IP6K2: variants seen among roughly 807,000 people sequenced by gnomAD.
The protein encoded by IP6K2 is ATP:1D-myo-inositol-hexakisphosphate phosphotransferase.
A neutral mutation model predicts 43.3 loss-of-function variants in IP6K2; 9 were observed. That is an observed-to-expected ratio of 0.21 (90% CI 0.13 to 0.36). The LOEUF (loss-of-function observed/expected upper bound fraction) is 0.36, where lower values mean the gene tolerates loss of function less well. Among genes scored for constraint, IP6K2 ranks in the 10% least tolerant of loss-of-function variants. IP6K2 has a pLI of 1.00. For missense variants in IP6K2, 332 were observed against 538.4 expected, an observed-to-expected ratio of 0.62 and a Z score of 3.79; for synonymous variants, 209 against 202.4, an observed-to-expected ratio of 1.03 and a Z score of -0.28.
chr3:48,705,945 C>T (rs1348838180), intron 1 of IP6K2, among the ~76,000 whole-genome samples: 1 of 150,736 alleles, frequency 6.6e-6, no homozygotes, highest in African/African-American at 2.4e-5. Flanking sequence ...GTGGCTCACG[C>T]CTGTAATCCC....
intron 1 of IP6K2, among the ~76,000 whole-genome samples, chr3:48,706,526 TACAG>T (rs1473146486): frequency 6.6e-6 from 1 of 152,280 alleles, no homozygotes; most frequent in Admixed American, 6.5e-5. Flanking sequence ...CTGTTCTCTC[TACAG>T]ACAGTTGTAA....
chr3:48,710,880 A>C (rs1163677076), intron 1 of IP6K2, among the ~76,000 whole-genome samples: 1 of 152,062 alleles, frequency 6.6e-6, no homozygotes, highest in African/African-American at 2.4e-5. Flanking sequence ...AAGTGCTGGG[A>C]TTACAGGCGT....
chr3:48,696,278 T>C (rs2078337134), intron 1 of IP6K2, among the ~76,000 whole-genome samples: 1 of 152,164 alleles, frequency 6.6e-6, no homozygotes, highest in African/African-American at 2.4e-5. Context: ...CCAGGTTGTC[T>C]ACCCACACTG....
intron 2 of IP6K2, chr3:48,693,924 T>G: frequency 7.5e-7 from 1 of 1,327,424 alleles, no homozygotes; most frequent in Non-Finnish European, 9.6e-7. Context: ...CATGAGTAAT[T>G]AAGACAGTCT....
At chr3:48,711,168 C>T (rs2080471200) in intron 1 of IP6K2, among the ~76,000 whole-genome samples, 1 of 152,160 alleles carries the variant, frequency 6.6e-6, no homozygotes, top group South Asian at 2.1e-4. Context: ...ACCTCAGCCT[C>T]CTGAAGTGCC....
At chr3:48,712,078 C>T (rs969132418) in intron 1 of IP6K2, among the ~76,000 whole-genome samples, 4 of 152,038 alleles carry the variant, frequency 2.6e-5, no homozygotes, top group African/African-American at 9.7e-5. Context: ...AATGTGGCTG[C>T]AGCCTCAGCA....
intron 1 of IP6K2, among the ~76,000 whole-genome samples, chr3:48,702,431 G>A (rs1404670486): frequency 2.7e-5 from 4 of 147,890 alleles, no homozygotes; most frequent in Non-Finnish European, 5.9e-5. Context: ...TCAGCCCTTT[G>A]TGCAAATGTC....
intron 2 of IP6K2, 137 bp from the exon 3 acceptor site, chr3:48,693,316 AAACTT>A: frequency 9.1e-7 from 1 of 1,100,296 alleles, no homozygotes; most frequent in Non-Finnish European, 1.4e-6. Flanking sequence ...ACTCATCTGC[AAACTT>A]AACAAATATC....
At chr3:48,702,782 C>G (rs994227694) in intron 1 of IP6K2, among the ~76,000 whole-genome samples, 1 of 152,156 alleles carries the variant, frequency 6.6e-6, no homozygotes, top group African/African-American at 2.4e-5. Flanking sequence ...CACTTGAAAA[C>G]AAGTTCCATA....
At chr3:48,716,215 T>A (rs1165044153) in intron 1 of IP6K2, among the ~76,000 whole-genome samples, 1 of 152,228 alleles carries the variant, frequency 6.6e-6, no homozygotes, top group African/African-American at 2.4e-5. Context: ...GTAATCATGG[T>A]CCTCTATTAA....
chr3:48,709,766 G>A (rs2107032175), intron 1 of IP6K2, among the ~76,000 whole-genome samples: 1 of 151,936 alleles, frequency 6.6e-6, no homozygotes, highest in African/African-American at 2.4e-5. Context: ...GAACCTAGGA[G>A]GCGGAGCTTG....
In IP6K2 at chr3:48,688,307, A is replaced by G. The variant is rs2077503919; in HGVS notation, c.1247T>C (p.Ile416Thr). ...ACTCTCCTCACTTATCTCTGTGACA[A>G]TGTCTATCAGGCTCTGGAGCCCGAA... ...YIFGLQSLID[I>T]VTEISEESGE The change falls in exon 6 of 6, where the codon ATT becomes ACT. Residue 416 changes from isoleucine (I) to threonine (T), a missense_variant. Coordinates refer to ENST00000328631, the MANE Select transcript of IP6K2 (RefSeq NM_016291.4). The surrounding 1 kb of genome is among the most constrained non-coding windows in gnomAD (Gnocchi z 5.1). 6.2e-7 allele frequency: 1 copy of G among 1,614,178 alleles called. No individual in the cohort carries two copies. Among genetic ancestry groups the G allele is most frequent in the Non-Finnish European group, 8.5e-7 (1 of 1,180,014 alleles).
intron 4 of IP6K2, 24 bp downstream of exon 4, chr3:48,691,283 G>T: frequency 1.3e-6 from 2 of 1,588,784 alleles, no homozygotes; most frequent in Non-Finnish European, 1.7e-6. Flanking sequence ...CTCAAATGCA[G>T]AGATGCCCGT....
chr3:48,689,737 C>G (rs771752476), intron 4 of IP6K2, 24 bp from the exon 5 acceptor site: 4 of 1,607,022 alleles, frequency 2.5e-6, no homozygotes, highest in South Asian at 1.1e-5. Context: ...AATAATACCC[C>G]CAAAAGGAAG....
chr3:48,692,841 A>C, intron 3 of IP6K2, 113 bp downstream of exon 3: 1 of 738,052 alleles, frequency 1.4e-6, no homozygotes, highest in Non-Finnish European at 2.4e-6. Context: ...ACTGAATGAC[A>C]AGGTACCTAC....
chr3:48,708,869 T>C (rs2080144001), intron 1 of IP6K2, among the ~76,000 whole-genome samples: 1 of 152,120 alleles, frequency 6.6e-6, no homozygotes, highest in African/African-American at 2.4e-5. Flanking sequence ...GCCCAGGAGT[T>C]TGAGAACAAT....
chr3:48,716,262 T>C (rs570420553), intron 1 of IP6K2, among the ~76,000 whole-genome samples: 2 of 152,362 alleles, frequency 1.3e-5, no homozygotes, highest in East Asian at 1.9e-4. Flanking sequence ...ACATTTTTGT[T>C]ACCACGTTCC....
Position 48,688,522 on chromosome 3 carries a change from G to A in IP6K2, c.1032C>T (p.Val344=). 6.2e-6 allele frequency: 10 copies of A among 1,614,182 alleles called. No homozygotes were observed. Among genetic ancestry groups the A allele is most frequent in the Non-Finnish European group, 8.5e-6 (10 of 1,180,032 alleles). Residue 344 remains valine, a synonymous_variant, in exon 6 of 6, where the codon GTC becomes GTT. Transcript: ENST00000328631. The surrounding 1 kb of genome is among the most constrained non-coding windows in gnomAD (Gnocchi z 5.1). ...IYDGKERPEV[V]LDSDAEDLED... ...CCAAATCCTCAGCATCTGAGTCCAGGACCACTTCGGGCCGCTCCTTGCCAT... is the reference window on the plus strand; with the variant it reads ...CCAAATCCTCAGCATCTGAGTCCAGAACCACTTCGGGCCGCTCCTTGCCAT...
In IP6K2 at chr3:48,689,580, C is replaced by T. The variant is rs1477997291; in HGVS notation, c.738G>A (p.Gln246=). 1 of 1,614,050 alleles carries T rather than the reference C, an allele frequency of 6.2e-7. No individual in the cohort carries two copies. Among genetic ancestry groups the T allele is most frequent in the Non-Finnish European group, 8.5e-7 (1 of 1,180,040 alleles). The change falls in exon 5 of 6, where the codon CAG becomes CAA. Residue 246 remains glutamine (Q), a synonymous_variant. Transcript: ENST00000328631. ...GCACACCAATGACTGCAGATGTGCT[C>T]TGCTGACATTTTCGGATCTGGTTGG... ...KAANQIRKCQ[Q]STSAVIGVRV...
Sources: gnomAD v4.1 joint callset for allele counts (sites outside exome capture counted in the v4.1 genomes callset) on GRCh38, gnomAD v4.1.1 for gene constraint, Gnocchi (gnomAD v3.1) non-coding constraint, MANE v1.5 for transcripts, NCBI Gene and HGNC (gene_info 2026-07-23, HGNC 2026-07-21) for gene names.